Variants in ZNF90 observed in about 807,000 individuals in gnomAD.
The protein encoded by ZNF90 is zinc finger protein 90.
Under a neutral mutation model 12.0 loss-of-function variants are expected in ZNF90, and 11 were observed. That is an observed-to-expected ratio of 0.92 (90% CI 0.58 to 1.52). The LOEUF is 1.52. Ranked by LOEUF, ZNF90 falls within the 40% of genes most tolerant of loss-of-function variation. The pLI is 0.00. For synonymous variants in ZNF90, 232 were observed against 240.1 expected, an observed-to-expected ratio of 0.97 and a Z score of 0.31; for missense variants, 765 against 711.5, an observed-to-expected ratio of 1.08 and a Z score of -0.86.
intron 3 of ZNF90, among the ~76,000 whole-genome samples, chr19:20,112,787 T>C (rs782763573): frequency 6.6e-5 from 10 of 152,196 alleles, no homozygotes; most frequent in Non-Finnish European, 1.0e-4. Flanking sequence ...TCAACTTTTT[T>C]GTTTTTTTTA....
In ZNF90 at chr19:20,114,614, T is replaced by C. The variant is rs10422287; in HGVS notation, c.227-3167T>C. Among the ~76,000 whole-genome samples the C allele has an allele frequency of 6.2e-3, 947 of 152,288 alleles. 7 individuals carry two copies. Among genetic ancestry groups the C allele is most frequent in the African/African-American group, 0.022 (898 of 41,580 alleles). On this transcript the variant is annotated intron_variant, in intron 3 of 3. Coordinates refer to ENST00000418063, the MANE Select transcript of ZNF90 (RefSeq NM_007138.2). ...ATTAATTATTTGTATTATTATTTTA[T>C]ACTCTAATTCCGTTTTTGTCATAGA...
At chr19:20,095,633 G>A (rs2088938687) in intron 1 of ZNF90, among the ~76,000 whole-genome samples, 1 of 151,774 alleles carries the variant, frequency 6.6e-6, no homozygotes, top group African/African-American at 2.4e-5. Flanking sequence ...ATAAGGGATT[G>A]GGGCACAGAT....
chr19:20,099,779 G>A (rs1381666921), intron 1 of ZNF90, among the ~76,000 whole-genome samples: 1 of 152,142 alleles, frequency 6.6e-6, no homozygotes, highest in Non-Finnish European at 1.5e-5. Context: ...CTAGAATTAG[G>A]AGAAGGAAAA....
At position 20,118,899 on chromosome 19, in the gene ZNF90, G is replaced by A. The variant is rs1555706186; in HGVS notation, c.1345G>A (p.Gly449Arg). ...TAGCACACATAAGATAATTCATAGT[G>A]GAGAGAAACCCTACAAATGTGAAGA... ...ALSTHKIIHS[G>R]EKPYKCEECG... is the part of the protein sequence containing the mutation. Residue 449 changes from glycine (G) to arginine (R), a missense_variant, in exon 4 of 4, where the codon GGA becomes AGA. Gly to Arg is a moderately radical substitution (Grantham distance 125, BLOSUM62 -2). Coordinates refer to ENST00000418063, the MANE Select transcript of ZNF90 (RefSeq NM_007138.2). The A allele has an allele frequency of 1.9e-6, 3 of 1,612,880 alleles. No homozygotes were observed. The highest frequency in any genetic ancestry group is 2.2e-5 in the East Asian group (1 of 44,812).
intron 3 of ZNF90, among the ~76,000 whole-genome samples, chr19:20,109,689 CAT>C (rs1258964893): frequency 4.0e-5 from 6 of 148,532 alleles, no homozygotes; most frequent in African/African-American, 1.3e-4. Flanking sequence ...GCCTGGGCAA[CAT>C]ATGGAGACCC....
rs2089175520 is a variant in ZNF90, at chr19:20,119,303, T to C, written c.1749T>C (p.His583=). 1.9e-6 allele frequency: 3 copies of C among 1,610,894 alleles called. No individual in the cohort carries two copies. Among genetic ancestry groups the C allele is most frequent in the Non-Finnish European group, 2.5e-6 (3 of 1,178,430 alleles). ...AFNLSSDLNT[H]KRIHIGQKAY... ...ACTTGTCCTCAGACCTTAATACACA[T>C]AAGAGGATTCATATTGGACAGAAAG... The change falls in exon 4 of 4, where the codon CAT becomes CAC. Residue 583 remains histidine (H), a synonymous_variant. Coordinates refer to ENST00000418063, the MANE Select transcript of ZNF90 (RefSeq NM_007138.2).
At chr19:20,095,883 C>T (rs573486195) in intron 1 of ZNF90, among the ~76,000 whole-genome samples, 14 of 152,216 alleles carry the variant, frequency 9.2e-5, no homozygotes, top group South Asian at 4.2e-4. Context: ...CGGGACTTGC[C>T]GCTAAGGGTG....
At chr19:20,086,271 C>T (rs899807713) in intron 1 of ZNF90, among the ~76,000 whole-genome samples, 1 of 122,364 alleles carries the variant, frequency 8.2e-6, no homozygotes, top group African/African-American at 3.2e-5. Context: ...GAGTCTCACT[C>T]TTGCCCAGGC....
intron 1 of ZNF90, among the ~76,000 whole-genome samples, chr19:20,089,728 T>A (rs1209225283): frequency 2.6e-5 from 4 of 152,080 alleles, no homozygotes; most frequent in Non-Finnish European, 5.9e-5. Context: ...AGTAAATGAG[T>A]TCTTCAGGAG....
At chr19:20,106,793 G>A (rs1353077608) in intron 3 of ZNF90, among the ~76,000 whole-genome samples, 1 of 152,206 alleles carries the variant, frequency 6.6e-6, no homozygotes, top group Non-Finnish European at 1.5e-5. Context: ...AAGATCTTTT[G>A]TTGGGCCCTT....
At chr19:20,109,769 AT>A (rs745904549) in intron 3 of ZNF90, among the ~76,000 whole-genome samples, 149 of 151,972 alleles carry the variant, frequency 9.8e-4, no homozygotes, top group Non-Finnish European at 1.6e-3. Context: ...TCCCAGCTAC[AT>A]GGGAGATTGA....
At chr19:20,079,857 A>G (rs2088806968) in intron 1 of ZNF90, 4 of 394,636 alleles carry the variant, frequency 1.0e-5, no homozygotes, top group South Asian at 8.3e-5. Flanking sequence ...AAGCGATGTA[A>G]GCAAGAAGCT....
chr19:20,115,642 A>G (rs1163181173), intron 3 of ZNF90, among the ~76,000 whole-genome samples: 2 of 151,920 alleles, frequency 1.3e-5, no homozygotes, highest in Non-Finnish European at 2.9e-5. Context: ...TTGAAATTTT[A>G]CTTATATATG....
At chr19:20,111,692 T>G (rs2089090163) in intron 3 of ZNF90, among the ~76,000 whole-genome samples, 1 of 152,126 alleles carries the variant, frequency 6.6e-6, no homozygotes, top group East Asian at 1.9e-4. Context: ...TTCTATAAAT[T>G]TTATCTTTGT....
chr19:20,084,538 T>C (rs1435249299), intron 1 of ZNF90, among the ~76,000 whole-genome samples: 7 of 152,250 alleles, frequency 4.6e-5, no homozygotes, highest in African/African-American at 4.8e-5. Context: ...ATGAGGATTC[T>C]GTTTTTAGTT....
At chr19:20,083,501 G>A (rs7507883) in intron 1 of ZNF90, among the ~76,000 whole-genome samples, 14,614 of 151,644 alleles carry the variant, frequency 0.096, 1,251 homozygotes, top group East Asian at 0.24. Context: ...CTAATTTTGT[G>A]TTTTTAGTAG....
intron 1 of ZNF90, among the ~76,000 whole-genome samples, chr19:20,098,290 CAA>C (rs1568286307): frequency 6.6e-6 from 1 of 152,180 alleles, no homozygotes; most frequent in Non-Finnish European, 1.5e-5. Context: ...AGAAAACTAA[CAA>C]AAGGCATTTT....
At chr19:20,114,319 TTA>T (rs782396022) in intron 3 of ZNF90, among the ~76,000 whole-genome samples, 20 of 152,214 alleles carry the variant, frequency 1.3e-4, no homozygotes, top group Non-Finnish European at 1.9e-4. Flanking sequence ...TTCATATTAA[TTA>T]TATTGACATT....
intron 1 of ZNF90, among the ~76,000 whole-genome samples, chr19:20,092,873 C>T (rs1555702872): frequency 6.6e-6 from 1 of 151,970 alleles, no homozygotes; most frequent in Non-Finnish European, 1.5e-5. Context: ...AAAGGAGGGG[C>T]TACAAAGAAG....
Sources: allele counts gnomAD v4.1 joint callset (sites outside exome capture counted in the v4.1 genomes callset), GRCh38; gene constraint gnomAD v4.1.1; transcripts MANE v1.5; gene names NCBI Gene and HGNC (gene_info 2026-07-23, HGNC 2026-07-21).